Variants in LUZP2 observed in about 807,000 individuals in gnomAD.
The protein encoded by LUZP2 is leucine zipper protein 2.
LUZP2 carries 52 observed loss-of-function variants against 51.6 expected under a neutral mutation model. The observed-to-expected ratio is 1.01, with a 90% CI of 0.81 to 1.27. The LOEUF is 1.27. LUZP2 is among the 50% of genes most tolerant of loss of function. LUZP2 has a pLI of 0.00. For missense variants in LUZP2, 436 were observed against 395.4 expected (o/e 1.10, Z -0.87); for synonymous variants, 154 against 137.3 (o/e 1.12, Z -0.85).
intron 1 of LUZP2, among the ~76,000 whole-genome samples, chr11:24,562,271 C>A (rs1013176324): frequency 1.3e-5 from 2 of 152,008 alleles, no homozygotes; most frequent in African/African-American, 4.8e-5. Flanking sequence ...TTCCCTTATA[C>A]CACAATATAA....
At chr11:24,724,515 A>G (rs10767241) in intron 1 of LUZP2, among the ~76,000 whole-genome samples, 56,175 of 151,916 alleles carry the variant, frequency 0.37, 10,745 homozygotes, top group Non-Finnish European at 0.41. Flanking sequence ...AGGTTGCAGT[A>G]AGCCGAGATC....
chr11:24,574,112 CCTTCCTT>C (rs1024633945), intron 1 of LUZP2, among the ~76,000 whole-genome samples: 1 of 148,738 alleles, frequency 6.7e-6, no homozygotes, highest in African/African-American at 2.5e-5. Flanking sequence ...TTGTTTAATC[CCTTCCTT>C]CTTCCTTTCC....
intron 7 of LUZP2, among the ~76,000 whole-genome samples, chr11:24,922,935 G>A (rs1017167569): frequency 6.1e-5 from 8 of 131,376 alleles, no homozygotes; most frequent in East Asian, 2.6e-4. Context: ...TGAAAGCTCC[G>A]CCTCCCGGGT....
intron 10 of LUZP2, among the ~76,000 whole-genome samples, chr11:25,056,710 T>C (rs1375286563): frequency 6.6e-6 from 1 of 152,174 alleles, no homozygotes; most frequent in South Asian, 2.1e-4. Flanking sequence ...TCCATTCCCA[T>C]GTATTATTAA....
chr11:24,663,571 T>C (rs888405809), intron 1 of LUZP2, among the ~76,000 whole-genome samples: 1 of 152,222 alleles, frequency 6.6e-6, no homozygotes, highest in African/African-American at 2.4e-5. Flanking sequence ...AAATGCATTT[T>C]ACAATTTTTA....
intron 1 of LUZP2, among the ~76,000 whole-genome samples, chr11:24,641,261 A>G (rs1302679338): frequency 7.8e-6 from 1 of 128,618 alleles, no homozygotes; most frequent in Non-Finnish European, 1.7e-5. Flanking sequence ...TGTTTTTCTT[A>G]GTGAAAAAAT....
At chr11:24,991,392 G>GTATATATATATATATATA (rs770909829) in intron 9 of LUZP2, among the ~76,000 whole-genome samples, 28 of 104,524 alleles carry the variant, frequency 2.7e-4, no homozygotes, top group Middle Eastern at 5.6e-3. Flanking sequence ...GTGTGTGTGT[G>GTATATATATATATATATA]TGTGTATATA....
chr11:24,755,243 A>G (rs997163045), intron 4 of LUZP2, among the ~76,000 whole-genome samples: 1 of 152,158 alleles, frequency 6.6e-6, no homozygotes, highest in African/African-American at 2.4e-5. Context: ...GATAATACCA[A>G]TGTACAAAGT....
chr11:24,747,819 G>A (rs1019427133), intron 4 of LUZP2, among the ~76,000 whole-genome samples: 5 of 152,084 alleles, frequency 3.3e-5, no homozygotes, highest in Non-Finnish European at 7.4e-5. Flanking sequence ...GAGTCATGCA[G>A]GTTGTTGGGT....
At chr11:24,836,104 G>T (rs113689872) in intron 5 of LUZP2, among the ~76,000 whole-genome samples, 19 of 152,010 alleles carry the variant, frequency 1.2e-4, no homozygotes, top group African/African-American at 4.6e-4. Flanking sequence ...CAAAGTTTGG[G>T]CTATAATGAT....
chr11:24,565,005 G>A (rs1852168163), intron 1 of LUZP2, among the ~76,000 whole-genome samples: 1 of 152,116 alleles, frequency 6.6e-6, no homozygotes, highest in African/African-American at 2.4e-5. Flanking sequence ...ATAGACACAG[G>A]CATGGAGTAA....
intron 5 of LUZP2, among the ~76,000 whole-genome samples, chr11:24,809,653 T>C (rs1472362599): frequency 6.6e-6 from 1 of 152,144 alleles, no homozygotes; most frequent in Non-Finnish European, 1.5e-5. Flanking sequence ...GAGGGAGTTT[T>C]TAAACCCTAA....
At chr11:25,012,047 T>G (rs150947473) in intron 9 of LUZP2, among the ~76,000 whole-genome samples, 140 of 152,296 alleles carry the variant, frequency 9.2e-4, no homozygotes, top group African/African-American at 3.1e-3. Flanking sequence ...TGGTTCATTT[T>G]TAGGAAAACA....
chr11:24,993,499 T>C (rs1484192299), intron 9 of LUZP2, among the ~76,000 whole-genome samples: 1 of 152,176 alleles, frequency 6.6e-6, no homozygotes, highest in Non-Finnish European at 1.5e-5. Flanking sequence ...CATTTGCTTC[T>C]GTATCTCCCA....
At chr11:24,967,145 A>T (rs1288013403) in intron 7 of LUZP2, among the ~76,000 whole-genome samples, 1 of 151,804 alleles carries the variant, frequency 6.6e-6, no homozygotes, top group Admixed American at 6.6e-5. Context: ...TTAAAATCAG[A>T]TGGCATTAGT....
At chr11:24,645,879 A>T (rs1220772986) in intron 1 of LUZP2, among the ~76,000 whole-genome samples, 1 of 151,728 alleles carries the variant, frequency 6.6e-6, no homozygotes, top group Admixed American at 6.6e-5. Flanking sequence ...TTAAAATAAA[A>T]TGTACATAAA....
At chr11:24,559,114 A>G (rs1851957558) in intron 1 of LUZP2, among the ~76,000 whole-genome samples, 3 of 152,198 alleles carry the variant, frequency 2.0e-5, no homozygotes, top group Admixed American at 2.0e-4. Context: ...TTTGACCACT[A>G]TTCACATTAT....
At chr11:24,727,529 A>G (rs1424915852) in intron 1 of LUZP2, among the ~76,000 whole-genome samples, 1 of 152,128 alleles carries the variant, frequency 6.6e-6, no homozygotes, top group African/African-American at 2.4e-5. Flanking sequence ...CAATACATAT[A>G]ATCTACTATT....
rs1565108521 is a variant in LUZP2 at position 24,738,303 on chromosome 11, G to A, written c.333+1G>A. ...GAAAGCAGAAAAACACCAGGCTACT[G>A]TAAGTGTGTTTCTTCTTTGTGCCTT... On this transcript the variant is annotated splice_donor_variant, in intron 4 of 11. Transcript: ENST00000336930. LOFTEE classifies it high-confidence loss of function. 1 of 1,608,974 alleles carries A rather than the reference G, an allele frequency of 6.2e-7. No individual in the cohort carries two copies. Among genetic ancestry groups the A allele is most frequent in the Non-Finnish European group, 8.5e-7 (1 of 1,176,440 alleles).
Sources: allele counts gnomAD v4.1 joint callset (sites outside exome capture counted in the v4.1 genomes callset), GRCh38; gene constraint gnomAD v4.1.1; transcripts MANE v1.5; gene names NCBI Gene and HGNC (gene_info 2026-07-23, HGNC 2026-07-21).